The following FNIP2 variants were observed in gnomAD, a reference collection of about 807,000 sequenced individuals.
The protein encoded by FNIP2 is folliculin interacting protein 2.
Under a neutral mutation model 108.7 loss-of-function variants are expected in FNIP2, and 32 were observed. The observed-to-expected ratio is 0.29, with a 90% confidence interval of 0.22 to 0.40. The LOEUF (loss-of-function observed/expected upper bound fraction) is 0.40. Ranked by LOEUF, FNIP2 falls within the 10% of genes least tolerant of loss-of-function variation. The pLI, the probability that FNIP2 is intolerant of heterozygous loss-of-function variation, is 1.00. For synonymous variants in FNIP2, 480 were observed against 496.7 expected, an observed-to-expected ratio of 0.97 and a Z score of 0.45; for missense variants, 1,202 against 1,381.6, an observed-to-expected ratio of 0.87 and a Z score of 2.06.
intron 5 of FNIP2, 122 bp downstream of exon 5, chr4:158,832,260 A>T: frequency 1.3e-6 from 1 of 741,184 alleles, no homozygotes; most frequent in Middle Eastern, 2.5e-4. Context: ...CAAATTAACA[A>T]AGGGGCTTTA....
chr4:158,895,557 CTTTG>C (rs1392075593), intron 15 of FNIP2, among the ~76,000 whole-genome samples, 189 bp from the exon 16 acceptor site: 4 of 152,092 alleles, frequency 2.6e-5, no homozygotes, highest in Non-Finnish European at 5.9e-5. Flanking sequence ...CAAAAGTAAA[CTTTG>C]TTTTACAAGA....
At chr4:158,800,988 G>A (rs906127330) in intron 1 of FNIP2, among the ~76,000 whole-genome samples, 4 of 152,128 alleles carry the variant, frequency 2.6e-5, no homozygotes, top group Admixed American at 2.6e-4. Flanking sequence ...ACATCTTCCT[G>A]AATTTCCATG....
In FNIP2 at chr4:158,769,382, G is replaced by T. The variant is rs139509145; in HGVS notation, c.107+63G>T. The T allele has an allele frequency of 9.9e-4, 1,159 of 1,175,922 alleles. 26 individuals carry two copies. The East Asian group carries it at 0.035, about 36-fold the overall frequency. 72.8% of individuals were successfully genotyped at this position (1,175,922 alleles called of 1,614,324 possible). On this transcript the variant is annotated intron_variant, in intron 1 of 16. Coordinates refer to ENST00000264433, the MANE Select transcript of FNIP2 (RefSeq NM_020840.3). ...CGAGTTGGCTTCGGTGCTCGCCGGG[G>T]AGGGGACGGGTAGGGGAAAGGGAAG... is the stretch of plus-strand genomic sequence containing the variant.
At chr4:158,857,321 A>C (rs1780041373) in intron 8 of FNIP2, among the ~76,000 whole-genome samples, 1 of 152,208 alleles carries the variant, frequency 6.6e-6, no homozygotes, top group South Asian at 2.1e-4. Flanking sequence ...ACAGAACAGA[A>C]ATCAACTACT....
At position 158,851,398 on chromosome 4, in the gene FNIP2, C is replaced by T. The variant is rs780624837; in HGVS notation, c.805C>T (p.Arg269Cys). The T allele has an allele frequency of 1.5e-5, 24 of 1,613,816 alleles. No homozygotes were observed. The highest frequency in any genetic ancestry group is 1.9e-5 in the Non-Finnish European group (22 of 1,179,876). ...STSSSSSYQR[R>C]WLRSQTTSLE... ...ATCTTCTTCCAGCAGTTACCAGCGC[C>T]GCTGGCTTCGAAGTCAGACAACAAG... Residue 269 changes from arginine to cysteine, a missense_variant, in exon 8 of 17, where the codon CGC becomes TGC. By Grantham distance (180) the Arg-to-Cys change is radical. Transcript: ENST00000264433.
chr4:158,821,924 C>CA (rs1351045083), intron 1 of FNIP2, among the ~76,000 whole-genome samples: 4 of 151,932 alleles, frequency 2.6e-5, no homozygotes, highest in Non-Finnish European at 4.4e-5. Context: ...CCTCTCTCTA[C>CA]AAAAAATACA....
intron 12 of FNIP2, among the ~76,000 whole-genome samples, chr4:158,862,497 A>C (rs34083477): frequency 0.3 from 45,969 of 152,146 alleles, 7,555 homozygotes; most frequent in Non-Finnish European, 0.38. Flanking sequence ...TTTAAATGGA[A>C]TTAAGGAAGG....
At position 158,826,070 on chromosome 4, in the gene FNIP2, T is replaced by C. The variant is rs745343341; in HGVS notation, c.234+28T>C. ...ATGAAATGCTGATTTGCTTTCTCCT[T>C]TTCTTTTGTGCTTTTAACCACCCTT... On this transcript the variant is annotated intron_variant, in intron 2 of 16. Transcript: ENST00000264433. The C allele has an allele frequency of 3.8e-6, 6 of 1,595,844 alleles. No individual in the cohort carries two copies. The South Asian group carries it at 5.5e-5, about 15-fold the overall frequency.
chr4:158,798,167 T>G (rs1776649858), intron 1 of FNIP2, among the ~76,000 whole-genome samples: 1 of 152,058 alleles, frequency 6.6e-6, no homozygotes, highest in Non-Finnish European at 1.5e-5. Context: ...TGGGCTCAAA[T>G]GATCCTCCCA....
chr4:158,786,951 G>C (rs530458843), intron 1 of FNIP2, among the ~76,000 whole-genome samples: 1 of 151,972 alleles, frequency 6.6e-6, no homozygotes, highest in Non-Finnish European at 1.5e-5. Flanking sequence ...ATTATCTTCA[G>C]AGTCTGTATT....
At chr4:158,850,073 A>G (rs1462441182) in intron 7 of FNIP2, among the ~76,000 whole-genome samples, 2 of 152,228 alleles carry the variant, frequency 1.3e-5, no homozygotes, top group African/African-American at 4.8e-5. Flanking sequence ...GTTGATAGCA[A>G]AGTAACTCCT....
At chr4:158,782,130 T>C (rs191664775) in intron 1 of FNIP2, among the ~76,000 whole-genome samples, 2 of 152,250 alleles carry the variant, frequency 1.3e-5, no homozygotes, top group Admixed American at 1.3e-4. Context: ...AAATGGCAAG[T>C]AGCTTGTCTT....
intron 1 of FNIP2, among the ~76,000 whole-genome samples, chr4:158,782,487 C>A (rs76195726): frequency 6.6e-6 from 1 of 151,314 alleles, no homozygotes; most frequent in African/African-American, 2.4e-5. Flanking sequence ...ATAACTATCT[C>A]TTTTTGTATC....
chr4:158,883,668 A>G (rs1465094296), intron 14 of FNIP2, among the ~76,000 whole-genome samples: 1 of 152,144 alleles, frequency 6.6e-6, no homozygotes, highest in East Asian at 1.9e-4. Context: ...TGCTCTCTGT[A>G]ATACACATGT....
intron 8 of FNIP2, among the ~76,000 whole-genome samples, chr4:158,858,856 T>G (rs1324844907): frequency 6.6e-6 from 1 of 152,224 alleles, no homozygotes; most frequent in East Asian, 1.9e-4. Flanking sequence ...TGAGCTTCTT[T>G]CCATGTTAGG....
rs550559005 is a variant in FNIP2, at chr4:158,891,507, G to T, written c.3011G>T (p.Trp1004Leu). 2.5e-4 allele frequency: 398 copies of T among 1,609,828 alleles called. 6 individuals are homozygous for T. The South Asian group carries it at 4.2e-3, about 17-fold the overall frequency. Residue 1004 changes from tryptophan to leucine, a missense_variant, in exon 15 of 17, where the codon TGG becomes TTG. By Grantham distance (61) the Trp-to-Leu change is moderately conservative. Coordinates refer to ENST00000264433, the MANE Select transcript of FNIP2 (RefSeq NM_020840.3). Reference sequence around the variant, plus strand: ...TGTATTATCGCAGACACGGATAAATGGAGTGTGCAGGTAGCTACAAGTCAG... The same window carrying T: ...TGTATTATCGCAGACACGGATAAATTGAGTGTGCAGGTAGCTACAAGTCAG... ...AVCIIADTDK[W>L]SVQVATSQRK...
intron 1 of FNIP2, among the ~76,000 whole-genome samples, chr4:158,787,771 C>T (rs1406285722): frequency 2.0e-5 from 3 of 152,144 alleles, no homozygotes; most frequent in African/African-American, 4.8e-5. Context: ...GGGACTGAGA[C>T]GTAAATTATG....
At chr4:158,903,767 GT>G (rs1416846089) in intron 16 of FNIP2, among the ~76,000 whole-genome samples, 31 of 152,262 alleles carry the variant, frequency 2.0e-4, no homozygotes, top group Admixed American at 7.8e-4. Flanking sequence ...GAATTCAAGG[GT>G]AAGGATTAGG....
intron 14 of FNIP2, chr4:158,889,863 A>C (rs2126767214): frequency 1.0e-6 from 1 of 984,414 alleles, no homozygotes; most frequent in South Asian, 4.7e-5. Context: ...CATCATCTTG[A>C]TATAAATTTA....
Sources: allele counts gnomAD v4.1 joint callset (sites outside exome capture counted in the v4.1 genomes callset), GRCh38; gene constraint gnomAD v4.1.1; transcripts MANE v1.5; gene names NCBI Gene and HGNC (gene_info 2026-07-23, HGNC 2026-07-21).